Variants in PABPC4 observed in about 807,000 individuals in gnomAD.
The protein encoded by PABPC4 is poly(A) binding protein cytoplasmic 4.
PABPC4 carries 15 observed loss-of-function variants against 74.5 expected under a neutral mutation model. The observed-to-expected ratio is 0.20, with a 90% CI of 0.13 to 0.31. The LOEUF (loss-of-function observed/expected upper bound fraction) is 0.31, where lower values mean the gene tolerates loss of function less well. Ranked by LOEUF, PABPC4 falls within the 10% of genes least tolerant of loss-of-function variation. PABPC4 has a pLI of 1.00. For synonymous variants in PABPC4, 345 were observed against 303.0 expected (o/e 1.14, Z -1.44); for missense variants, 610 against 853.5 (o/e 0.71, Z 3.55).
At chr1:39,570,874 T>C (rs1645929453) in intron 3 of PABPC4, among the ~76,000 whole-genome samples, 1 of 152,236 alleles carries the variant, frequency 6.6e-6, no homozygotes. Context: ...ACTGCTAGTA[T>C]ACAGCTCCTG....
In PABPC4 at chr1:39,563,594, TTC is replaced by T. The variant is rs1197325536; in HGVS notation, c.1668+18_1668+19del. On this transcript the variant is annotated intron_variant, in intron 12 of 15. Transcript: ENST00000372858. ...GAAATGGGGGAAATCCTTTTAAGCA[TTC>T]TGTCTGGTGAACCTCACCTGCAGAG... 1 of 1,604,012 alleles carries T rather than the reference TTC, an allele frequency of 6.2e-7. No individual in the cohort carries two copies. The highest frequency in any genetic ancestry group is 2.2e-5 in the East Asian group (1 of 44,744).
intron 7 of PABPC4, chr1:39,567,453 C>T: frequency 1.8e-6 from 1 of 552,232 alleles, no homozygotes; most frequent in Non-Finnish European, 3.5e-6. Flanking sequence ...CATTCTGTAG[C>T]ACCATCTGTC....
chr1:39,570,092 G>A, intron 3 of PABPC4, 90 bp from the exon 4 acceptor site: 1 of 1,325,084 alleles, frequency 7.5e-7, no homozygotes, highest in Non-Finnish European at 1.0e-6. Context: ...AAGACTGACA[G>A]GAGAGGTTAA....
chr1:39,575,885 T>C lies in PABPC4; in HGVS notation c.67A>G (p.Thr23Ala), dbSNP rs1424668856. ...AACTTTTCGTACAGCATGGCCTCGGTGACGTCCGAATGCAGGTCGCCCACG... is the reference window on the plus strand; with the variant it reads ...AACTTTTCGTACAGCATGGCCTCGGCGACGTCCGAATGCAGGTCGCCCACG... ...LYVGDLHSDV[T>A]EAMLYEKFSP... is the part of the protein sequence containing the mutation. Residue 23 changes from threonine to alanine, a missense_variant, in exon 1 of 16, where the codon ACC becomes GCC. Coordinates refer to ENST00000372858, the MANE Select transcript of PABPC4 (RefSeq NM_001135653.2). The C allele has an allele frequency of 6.2e-7, 1 of 1,611,888 alleles. No individual in the cohort carries two copies. Among genetic ancestry groups the C allele is most frequent in the Admixed American group, 1.7e-5 (1 of 59,956 alleles).
At chr1:39,574,700 TCAGA>T (rs1370231556) in intron 1 of PABPC4, among the ~76,000 whole-genome samples, 1 of 152,204 alleles carries the variant, frequency 6.6e-6, no homozygotes, top group African/African-American at 2.4e-5. Flanking sequence ...ACTCTGGGCC[TCAGA>T]CAGAAAACAA....
At chr1:39,574,919 C>T (rs1476926299) in intron 1 of PABPC4, among the ~76,000 whole-genome samples, 2 of 152,266 alleles carry the variant, frequency 1.3e-5, no homozygotes, top group African/African-American at 2.4e-5. Context: ...GGTGGCAGAG[C>T]ACTGTGCTGG....
rs924431075 is a variant in PABPC4, at chr1:39,576,140, G to A, written c.-189C>T. On this transcript the variant is annotated 5_prime_UTR_variant, in exon 1 of 16. Transcript: ENST00000372858. ...ACGGGAGGCGGGGGCCGGCTCCCAC[G>A]GCCGCAGCACCGCAGACAAAAGGCT... The A allele has an allele frequency of 3.9e-6, 2 of 514,678 alleles. No individual in the cohort carries two copies. The highest frequency in any genetic ancestry group is 4.1e-5 in the African/African-American group (2 of 49,030). 31.9% of individuals were successfully genotyped at this position (514,678 alleles called of 1,614,324 possible). A position where few individuals can be genotyped will look rare whatever the true frequency, so the allele number is the denominator to read the frequency against.
At chr1:39,561,901 G>A in intron 14 of PABPC4, 114 bp from the exon 15 acceptor site, 1 of 1,172,726 alleles carries the variant, frequency 8.5e-7, no homozygotes, top group Non-Finnish European at 1.2e-6. Flanking sequence ...CTAGGCTTCT[G>A]GTGCTAACTA....
intron 3 of PABPC4, among the ~76,000 whole-genome samples, 165 bp from the exon 4 acceptor site, chr1:39,570,167 A>G (rs1645917518): frequency 6.6e-6 from 1 of 152,236 alleles, no homozygotes. Flanking sequence ...GCAGAAAGAG[A>G]AAAAGGCAGG....
intron 1 of PABPC4, 158 bp from the exon 2 acceptor site, chr1:39,572,744 C>A: frequency 1.8e-6 from 1 of 558,636 alleles, no homozygotes; most frequent in Non-Finnish European, 3.1e-6. Context: ...CCAGCCTGCA[C>A]TGTTAGTAAG....
Position 39,565,208 on chromosome 1 carries a change from C to T in PABPC4, c.1143G>A (p.Gln381=). ...KEERKAHLTN[Q]YMQRVAGMRA... is the part of the protein sequence containing the mutation. ...TCATTCCAGCCACTCGTTGCATATA[C>T]TGGTTGGTCAGGTGAGCCTTTCTCT... The change falls in exon 8 of 16, where the codon CAG becomes CAA. Residue 381 remains glutamine (Q), a synonymous_variant. Coordinates refer to ENST00000372858, the MANE Select transcript of PABPC4 (RefSeq NM_001135653.2). 1 of 1,614,236 alleles carries T rather than the reference C, an allele frequency of 6.2e-7. No homozygotes were observed. The highest frequency in any genetic ancestry group is 1.6e-4 in the Middle Eastern group (1 of 6,062).
chr1:39,563,323 A>C (rs1645789579), intron 12 of PABPC4: 1 of 364,392 alleles, frequency 2.7e-6, no homozygotes, highest in Non-Finnish European at 5.0e-6. Flanking sequence ...TGCGGAAGTG[A>C]CCTGGAGGCT....
Position 39,575,858 on chromosome 1 carries a change from T to G in PABPC4, c.94A>C (p.Ser32Arg). The change falls in exon 1 of 16, where the codon AGC becomes CGC. Residue 32 changes from serine (S) to arginine (R), a missense_variant. Physicochemically the swap from Ser to Arg is moderately radical, Grantham distance 110. This residue lies in a region of PABPC4 where 304 missense variants were observed against 478.9 expected (regional missense o/e 0.63). Coordinates refer to ENST00000372858, the MANE Select transcript of PABPC4 (RefSeq NM_001135653.2). ...ATGGACAGCACAGGCCCCGCGGGGCTGAACTTTTCGTACAGCATGGCCTCG... is the reference window on the plus strand; with the variant it reads ...ATGGACAGCACAGGCCCCGCGGGGCGGAACTTTTCGTACAGCATGGCCTCG... ...VTEAMLYEKF[S>R]PAGPVLSIRV... The G allele has an allele frequency of 6.2e-7, 1 of 1,612,460 alleles. No homozygotes were observed. Among genetic ancestry groups the G allele is most frequent in the Non-Finnish European group, 8.5e-7 (1 of 1,179,628 alleles).
intron 10 of PABPC4, 156 bp from the exon 11 acceptor site, chr1:39,564,078 T>C (rs772309463): frequency 4.0e-5 from 26 of 652,864 alleles, no homozygotes; most frequent in Non-Finnish European, 6.2e-5. Context: ...CATACAACTC[T>C]TTCCACATCT....
In PABPC4 at chr1:39,571,488, A is replaced by T. The variant is rs566138542; in HGVS notation, c.388-139T>A. 252 of 850,304 alleles carry T rather than the reference A, an allele frequency of 3.0e-4. 5 individuals carry two copies. Among genetic ancestry groups the T allele is most frequent in the Middle Eastern group, 3.0e-3 (12 of 4,060 alleles). 52.7% of individuals were successfully genotyped at this position (850,304 alleles called of 1,614,324 possible). On this transcript the variant is annotated intron_variant, in intron 2 of 15. Transcript: ENST00000372858. ...CAAGTACACCAGTATAATTTTTCTA[A>T]CACCTAGCACAGCACCAGGTGCCTA...
intron 1 of PABPC4, among the ~76,000 whole-genome samples, chr1:39,575,291 G>A (rs1210925063): frequency 6.6e-6 from 1 of 152,172 alleles, no homozygotes; most frequent in Non-Finnish European, 1.5e-5. Context: ...TCCTTTATCA[G>A]CACAACATCA....
Position 39,576,095 on chromosome 1 carries a change from G to A in PABPC4, c.-144C>T, listed in dbSNP as rs937548820. ...CGGCGAGGACGAGCTGGAGTCGGCG[G>A]GCTTGGAGACGGGACGGAAACGGGA... On this transcript the variant is annotated 5_prime_UTR_variant, in exon 1 of 16. Transcript: ENST00000372858. The A allele has an allele frequency of 7.1e-6, 4 of 565,004 alleles. No homozygotes were observed. The highest frequency in any genetic ancestry group is 4.8e-5 in the South Asian group (2 of 41,596). The allele number at this position is 565,004 out of a possible 1,614,324, so 35.0% of individuals were successfully genotyped here.
At chr1:39,568,230 C>G (rs1282396541) in intron 6 of PABPC4, 2 of 166,748 alleles carry the variant, frequency 1.2e-5, no homozygotes, top group Non-Finnish European at 2.5e-5. Context: ...GCACTCCAAC[C>G]TGGGCGACAG....
At chr1:39,575,073 T>C (rs1019868585) in intron 1 of PABPC4, among the ~76,000 whole-genome samples, 3 of 152,302 alleles carry the variant, frequency 2.0e-5, no homozygotes, top group East Asian at 1.9e-4. Context: ...GATTTTCAAG[T>C]GACGCTTCCC....
Sources: allele counts gnomAD v4.1 joint callset (sites outside exome capture counted in the v4.1 genomes callset), GRCh38; gene constraint gnomAD v4.1.1; regional missense constraint gnomAD v4.1.1; transcripts MANE v1.5; gene names NCBI Gene and HGNC (gene_info 2026-07-23, HGNC 2026-07-21).